The following HHAT variants were observed in gnomAD, a reference collection of about 807,000 sequenced individuals.
HHAT encodes the protein protein-cysteine N-palmitoyltransferase HHAT.
A neutral mutation model predicts 70.8 loss-of-function variants in HHAT; 47 were observed. The ratio of observed to expected loss-of-function variants is 0.66; its 90% CI spans 0.53 to 0.85. The LOEUF (loss-of-function observed/expected upper bound fraction) is 0.85. HHAT is among the 40% of genes least tolerant of loss of function. The pLI, the probability that HHAT is intolerant of heterozygous loss-of-function variation, is 0.00. For synonymous variants in HHAT, 228 were observed against 247.6 expected (o/e 0.92, Z 0.74); for missense variants, 609 against 604.8 (o/e 1.01, Z -0.07).
chr1:210,356,697 T>C (rs2148001989), intron 2 of HHAT, among the ~76,000 whole-genome samples: 1 of 152,396 alleles, frequency 6.6e-6, no homozygotes, highest in East Asian at 1.9e-4. Context: ...TTCTTTCTTT[T>C]ACATTCTTCA....
At chr1:210,445,070 CTG>C (rs1295330629) in intron 7 of HHAT, among the ~76,000 whole-genome samples, 4 of 152,060 alleles carry the variant, frequency 2.6e-5, no homozygotes, top group African/African-American at 9.7e-5. Flanking sequence ...GAACTCCTGA[CTG>C]TGTGATCTGC....
chr1:210,484,386 G>T (rs2094443461), intron 8 of HHAT, among the ~76,000 whole-genome samples: 1 of 152,084 alleles, frequency 6.6e-6, no homozygotes, highest in Non-Finnish European at 1.5e-5. Context: ...CCTTGTCAGG[G>T]TATGTCATCT....
intron 11 of HHAT, among the ~76,000 whole-genome samples, chr1:210,641,188 G>A (rs922249627): frequency 6.6e-6 from 1 of 152,122 alleles, no homozygotes; most frequent in Admixed American, 6.5e-5. Flanking sequence ...CCATATAGTG[G>A]GGCAGGAAAA....
chr1:210,451,638 G>A (rs1424775939), intron 7 of HHAT, among the ~76,000 whole-genome samples: 1 of 152,108 alleles, frequency 6.6e-6, no homozygotes, highest in African/African-American at 2.4e-5. Context: ...AGGTGCAGTG[G>A]TACGATCATA....
At chr1:210,427,800 A>C (rs952334851) in intron 7 of HHAT, among the ~76,000 whole-genome samples, 1 of 152,004 alleles carries the variant, frequency 6.6e-6, no homozygotes, top group Non-Finnish European at 1.5e-5. Context: ...AGTTCTGCAG[A>C]CATCTATCAG....
At position 210,354,195 on chromosome 1, in the gene HHAT, CTTTTTTTTTTT is replaced by C. The variant is rs71146220; in HGVS notation, c.91+5146_91+5156del. Among the ~76,000 whole-genome samples the C allele has an allele frequency of 4.3e-3, 442 of 102,590 alleles. 6 individuals carry two copies. The South Asian group carries it at 0.062, about 14-fold the overall frequency. 67.3% of individuals were successfully genotyped at this position (102,590 alleles called of 152,430 possible). A position where few individuals can be genotyped will look rare whatever the true frequency, so the allele number is the denominator to read the frequency against. On this transcript the variant is annotated intron_variant, in intron 2 of 11. Coordinates refer to ENST00000261458, the MANE Select transcript of HHAT (RefSeq NM_018194.6). ...ACAAATAGATAACTAAACATAATGT[CTTTTTTTTTTT>C]TTTTTTTTTTTTTTTTGAGACAGAA... is the stretch of plus-strand genomic sequence containing the variant.
intron 7 of HHAT, among the ~76,000 whole-genome samples, chr1:210,423,840 G>T (rs894490116): frequency 6.6e-6 from 1 of 152,148 alleles, no homozygotes; most frequent in Admixed American, 6.5e-5. Context: ...TCAAAAATCA[G>T]TTGGCTGTAG....
chr1:210,629,356 C>G (rs1208419048), intron 11 of HHAT, among the ~76,000 whole-genome samples: 1 of 152,180 alleles, frequency 6.6e-6, no homozygotes, highest in Non-Finnish European at 1.5e-5. Context: ...AAAGCTGAAA[C>G]AAATTCTAAA....
At chr1:210,359,872 C>G (rs1404345071) in intron 2 of HHAT, among the ~76,000 whole-genome samples, 4 of 148,150 alleles carry the variant, frequency 2.7e-5, no homozygotes, top group African/African-American at 7.5e-5. Context: ...TGGGAAAAAA[C>G]AAAAAAAAAA....
At chr1:210,380,164 A>G (rs2090523379) in intron 3 of HHAT, among the ~76,000 whole-genome samples, 1 of 152,208 alleles carries the variant, frequency 6.6e-6, no homozygotes, top group African/African-American at 2.4e-5. Flanking sequence ...TTTATTGAAG[A>G]ATACAATGCT....
At chr1:210,436,158 A>G (rs946132167) in intron 7 of HHAT, among the ~76,000 whole-genome samples, 14 of 151,754 alleles carry the variant, frequency 9.2e-5, no homozygotes, top group African/African-American at 3.4e-4. Flanking sequence ...ATAGAGGTCT[A>G]ATTTGGTTCT....
intron 9 of HHAT, among the ~76,000 whole-genome samples, chr1:210,585,427 T>A (rs773851983): frequency 4.6e-5 from 7 of 152,172 alleles, no homozygotes; most frequent in Non-Finnish European, 1.0e-4. Context: ...GGACTCTTTT[T>A]TTTGAGACGG....
chr1:210,415,342 C>G (rs1269813885), intron 6 of HHAT, among the ~76,000 whole-genome samples: 1 of 152,168 alleles, frequency 6.6e-6, no homozygotes, highest in African/African-American at 2.4e-5. Context: ...TAGGGTCTCT[C>G]AGAGCATGCA....
chr1:210,477,451 C>T (rs916298441), intron 8 of HHAT, among the ~76,000 whole-genome samples: 8 of 152,080 alleles, frequency 5.3e-5, no homozygotes, highest in East Asian at 1.9e-4. Flanking sequence ...GGTTTCTGGC[C>T]GAGTCCTGTA....
chr1:210,575,125 G>A (rs1016917766), intron 9 of HHAT, among the ~76,000 whole-genome samples: 43 of 152,094 alleles, frequency 2.8e-4, no homozygotes, highest in African/African-American at 9.9e-4. Context: ...AAGGGAGGGT[G>A]GGCTCTTTCC....
rs566492724 is a variant in HHAT at position 210,528,355 on chromosome 1, C to T, written c.1043+15167C>T. 7.2e-5 allele frequency among the ~76,000 whole-genome samples: 11 copies of T among 152,218 alleles called. No individual in the cohort carries two copies. In the South Asian group the frequency reaches 1.2e-3, roughly 17 times the overall value. Reference sequence around the variant, plus strand: ...AAAGAGAAAGAAGGTTCTTGTGTTCCGGGCGCTAAGAGTGATGGGCACAGT... The same window carrying T: ...AAAGAGAAAGAAGGTTCTTGTGTTCTGGGCGCTAAGAGTGATGGGCACAGT... On this transcript the variant is annotated intron_variant, in intron 9 of 11. Transcript: ENST00000261458.
At chr1:210,637,870 A>AG (rs1672181948) in intron 11 of HHAT, among the ~76,000 whole-genome samples, 1 of 129,004 alleles carries the variant, frequency 7.8e-6, no homozygotes, top group South Asian at 2.9e-4. Context: ...AAAAAAAAAA[A>AG]AGGGGGGGGC....
chr1:210,630,668 T>TG (rs1670683090), intron 11 of HHAT, among the ~76,000 whole-genome samples: 1 of 152,182 alleles, frequency 6.6e-6, no homozygotes, highest in African/African-American at 2.4e-5. Flanking sequence ...GTGATTCAGG[T>TG]GGGGCACACC....
chr1:210,634,168 T>C lies in HHAT; in HGVS notation c.1390+10498T>C, dbSNP rs551660296. Among the ~76,000 whole-genome samples, 25 of 152,308 alleles carry C rather than the reference T, an allele frequency of 1.6e-4. 1 individual carries two copies. In the South Asian group the frequency reaches 4.4e-3, roughly 27 times the overall value. On this transcript the variant is annotated intron_variant, in intron 11 of 11. Transcript: ENST00000261458. ...TCTAAGAGAGTTTACTTGTAACCTG[T>C]GGCTTTTAGTGGGGTAAGAAGACAG...
Sources: allele counts gnomAD v4.1 joint callset (sites outside exome capture counted in the v4.1 genomes callset), GRCh38; gene constraint gnomAD v4.1.1; transcripts MANE v1.5; gene names NCBI Gene and HGNC (gene_info 2026-07-23, HGNC 2026-07-21).